The following MAP2K5 variants were observed in gnomAD, a reference collection of about 807,000 sequenced individuals.
MAP2K5 encodes the protein mitogen-activated protein kinase kinase 5.
A neutral mutation model predicts 83.1 loss-of-function variants in MAP2K5; 49 were observed. That is an observed-to-expected ratio of 0.59 (90% CI 0.47 to 0.75). MAP2K5 has a LOEUF of 0.75. Among genes scored for constraint, MAP2K5 ranks in the 30% least tolerant of loss-of-function variants. MAP2K5 has a pLI of 0.00. For missense variants in MAP2K5, 457 were observed against 557.5 expected, an observed-to-expected ratio of 0.82 and a Z score of 1.82; for synonymous variants, 202 against 191.8, an observed-to-expected ratio of 1.05 and a Z score of -0.44.
chr15:67,557,375 A>G (rs144378363), intron 2 of MAP2K5, among the ~76,000 whole-genome samples: 297 of 152,252 alleles, frequency 2.0e-3, no homozygotes, highest in Non-Finnish European at 3.4e-3. Flanking sequence ...TCACTTTTCT[A>G]TTACACTCAT....
chr15:67,594,141 A>G (rs532411482), intron 7 of MAP2K5, among the ~76,000 whole-genome samples: 1 of 152,318 alleles, frequency 6.6e-6, no homozygotes, highest in South Asian at 2.1e-4. Context: ...AATATCCTAT[A>G]TACAGCTAAG....
intron 17 of MAP2K5, among the ~76,000 whole-genome samples, chr15:67,733,335 T>C (rs891857957): frequency 8.5e-5 from 13 of 152,202 alleles, no homozygotes; most frequent in African/African-American, 7.2e-5. Flanking sequence ...AGCAAGATAT[T>C]CTTGTAACGA....
chr15:67,673,248 G>T (rs2087592928), intron 13 of MAP2K5, among the ~76,000 whole-genome samples: 1 of 151,744 alleles, frequency 6.6e-6, no homozygotes, highest in South Asian at 2.1e-4. Flanking sequence ...TCCACCGGAA[G>T]TTGCAAAAAA....
chr15:67,635,716 A>G (rs1452060387), intron 9 of MAP2K5, among the ~76,000 whole-genome samples: 1 of 152,016 alleles, frequency 6.6e-6, no homozygotes, highest in Admixed American at 6.5e-5. Context: ...TTTGGGAGGC[A>G]TTTTAATTTT....
Position 67,543,130 on chromosome 15 carries a change from C to G in MAP2K5, c.-206C>G, listed in dbSNP as rs961722312. 1.7e-6 allele frequency: 1 copy of G among 593,678 alleles called. No homozygotes were observed. The highest frequency in any genetic ancestry group is 3.0e-6 in the Non-Finnish European group (1 of 332,792). The allele number at this position is 593,678 out of a possible 1,614,324, so 36.8% of individuals were successfully genotyped here. A position where few individuals can be genotyped will look rare whatever the true frequency, so the allele number is the denominator to read the frequency against. ...GGTGCACCCTCCCCGGGAGACACCT[C>G]AGACCCCCGACAGCCTGGGCAGGCT... On this transcript the variant is annotated 5_prime_UTR_variant, in exon 1 of 22. Coordinates refer to ENST00000178640, the MANE Select transcript of MAP2K5 (RefSeq NM_145160.3). The surrounding 1 kb of genome is among the most constrained non-coding windows in gnomAD (Gnocchi z 4.3).
intron 8 of MAP2K5, among the ~76,000 whole-genome samples, chr15:67,620,971 A>T (rs1394554715): frequency 6.6e-6 from 1 of 152,188 alleles, no homozygotes; most frequent in Non-Finnish European, 1.5e-5. Context: ...ATTACAAAAA[A>T]TATAAGTAGA....
intron 6 of MAP2K5, among the ~76,000 whole-genome samples, chr15:67,590,673 T>C (rs1212914580): frequency 6.6e-6 from 1 of 152,004 alleles, no homozygotes; most frequent in Non-Finnish European, 1.5e-5. Context: ...GGCTTGTTCT[T>C]GAACTCCTGG....
intron 2 of MAP2K5, among the ~76,000 whole-genome samples, chr15:67,557,372 T>A (rs2084649663): frequency 6.6e-6 from 1 of 152,236 alleles, no homozygotes; most frequent in African/African-American, 2.4e-5. Context: ...GTTTCACTTT[T>A]CTATTACACT....
intron 2 of MAP2K5, among the ~76,000 whole-genome samples, chr15:67,557,170 G>A (rs551606679): frequency 2.1e-4 from 32 of 152,284 alleles, no homozygotes; most frequent in Middle Eastern, 3.4e-3. Flanking sequence ...AAAATCAACC[G>A]TGCCCACTAA....
rs1250004186 is a variant in MAP2K5 at position 67,779,444 on chromosome 15, T to C, written c.1242+6692T>C. 6.6e-6 allele frequency among the ~76,000 whole-genome samples: 1 copy of C among 152,258 alleles called. No homozygotes were observed. Among genetic ancestry groups the C allele is most frequent in the Non-Finnish European group, 1.5e-5 (1 of 68,050 alleles). On this transcript the variant is annotated intron_variant, in intron 21 of 21. Transcript: ENST00000178640. The surrounding 1 kb of genome is among the most constrained non-coding windows in gnomAD (Gnocchi z 4.6). ...AGATTATAACCCTAAGAAAACAGGC[T>C]TTGTTTTTCCATAGATGTGACCACT...
intron 17 of MAP2K5, among the ~76,000 whole-genome samples, chr15:67,744,493 A>G (rs1183078470): frequency 6.6e-6 from 1 of 152,258 alleles, no homozygotes. Flanking sequence ...AATCTTCCAG[A>G]CAAGAGCTGC....
At chr15:67,601,844 C>CA (rs2085665974) in intron 8 of MAP2K5, among the ~76,000 whole-genome samples, 1 of 152,212 alleles carries the variant, frequency 6.6e-6, no homozygotes, top group Non-Finnish European at 1.5e-5. Context: ...TCCAGTCACC[C>CA]ATTCAGGGCT....
chr15:67,745,727 C>T (rs563605756), intron 17 of MAP2K5, among the ~76,000 whole-genome samples: 91 of 152,202 alleles, frequency 6.0e-4, no homozygotes, highest in Non-Finnish European at 1.1e-3. Context: ...GTCTATGTGG[C>T]ATTCATATAA....
chr15:67,543,398 C>T lies in MAP2K5; in HGVS notation c.63C>T (p.Ile21=), dbSNP rs1203541421. Residue 21 remains isoleucine (I), a synonymous_variant, in exon 1 of 22, where the codon ATC becomes ATT. Transcript: ENST00000178640. This position sits in a 1 kb window ranked among gnomAD's most constrained non-coding sequence, Gnocchi z 4.3. Reference sequence around the variant, plus strand: ...AGAACCAGGTGCTGGTAATTCGCATCAAGATCCCAAATAGTGGCGCGGTGG... The same window carrying T: ...AGAACCAGGTGCTGGTAATTCGCATTAAGATCCCAAATAGTGGCGCGGTGG... The part of the protein sequence containing the change: ...AMENQVLVIR[I]KIPNSGAVDW... 6.2e-7 allele frequency: 1 copy of T among 1,614,066 alleles called. No homozygotes were observed. The highest frequency in any genetic ancestry group is 8.5e-7 in the Non-Finnish European group (1 of 1,180,040).
intron 3 of MAP2K5, among the ~76,000 whole-genome samples, chr15:67,575,900 C>T (rs897845575): frequency 1.0e-4 from 1 of 9,708 alleles, no homozygotes; most frequent in African/African-American, 2.6e-4. Flanking sequence ...TTCTTTTTTT[C>T]TTTCTTTCTT....
intron 11 of MAP2K5, among the ~76,000 whole-genome samples, chr15:67,656,811 A>C (rs1165656087): frequency 3.9e-5 from 6 of 152,148 alleles, no homozygotes; most frequent in Non-Finnish European, 7.4e-5. Context: ...GATAGGTCTA[A>C]CAGTTGCCAT....
At chr15:67,683,425 T>C (rs1277972902) in intron 13 of MAP2K5, among the ~76,000 whole-genome samples, 3 of 152,136 alleles carry the variant, frequency 2.0e-5, no homozygotes, top group Admixed American at 6.5e-5. Context: ...TGGTTTATGA[T>C]ATAAGGTCAA....
At chr15:67,617,928 A>C (rs1596657156) in intron 8 of MAP2K5, among the ~76,000 whole-genome samples, 1 of 152,090 alleles carries the variant, frequency 6.6e-6, no homozygotes, top group African/African-American at 2.4e-5. Context: ...TCTTGGACTC[A>C]AGCAATCCTC....
chr15:67,797,978 C>G (rs1232533835), intron 21 of MAP2K5, among the ~76,000 whole-genome samples: 1 of 152,174 alleles, frequency 6.6e-6, no homozygotes, highest in African/African-American at 2.4e-5. Context: ...CCACCATGCC[C>G]GGCCTAAAAT....
Sources: gnomAD v4.1 joint callset for allele counts (sites outside exome capture counted in the v4.1 genomes callset) on GRCh38, gnomAD v4.1.1 for gene constraint, Gnocchi (gnomAD v3.1) non-coding constraint, MANE v1.5 for transcripts, NCBI Gene and HGNC (gene_info 2026-07-23, HGNC 2026-07-21) for gene names.